The following IMMP2L variants were observed in gnomAD, a reference collection of about 807,000 sequenced individuals.
IMMP2L encodes the protein mitochondrial inner membrane protease subunit 2.
Under a neutral mutation model 19.3 loss-of-function variants are expected in IMMP2L, and 18 were observed. The observed-to-expected ratio is 0.93, with a 90% CI of 0.64 to 1.38. The LOEUF is 1.38. Among genes scored for constraint, IMMP2L ranks in the 40% most tolerant of loss-of-function variants. The pLI, the probability that IMMP2L is intolerant of heterozygous loss-of-function variation, is 0.00. For synonymous variants in IMMP2L, 76 were observed against 73.0 expected, an observed-to-expected ratio of 1.04 and a Z score of -0.21; for missense variants, 233 against 218.2, an observed-to-expected ratio of 1.07 and a Z score of -0.43.
chr7:111,291,399 T>C (rs1821090954), intron 3 of IMMP2L, among the ~76,000 whole-genome samples: 1 of 152,160 alleles, frequency 6.6e-6, no homozygotes, highest in African/African-American at 2.4e-5. Context: ...AGTCTCCTAA[T>C]TACAACATTA....
chr7:111,021,713 T>C (rs1378799764), intron 3 of IMMP2L, among the ~76,000 whole-genome samples: 1 of 152,122 alleles, frequency 6.6e-6, no homozygotes, highest in East Asian at 1.9e-4. Flanking sequence ...TGAAACACCA[T>C]CTCTACTAAA....
At chr7:110,854,531 T>G (rs987769859) in intron 5 of IMMP2L, among the ~76,000 whole-genome samples, 1 of 151,966 alleles carries the variant, frequency 6.6e-6, no homozygotes, top group Non-Finnish European at 1.5e-5. Context: ...GCTTGGAACA[T>G]GCACTTAAAA....
At chr7:111,068,700 G>C (rs773855802) in intron 3 of IMMP2L, among the ~76,000 whole-genome samples, 1 of 152,038 alleles carries the variant, frequency 6.6e-6, no homozygotes, top group African/African-American at 2.4e-5. Context: ...CAGTGATATC[G>C]TAAGCCAATT....
intron 3 of IMMP2L, among the ~76,000 whole-genome samples, chr7:111,350,183 G>C (rs1469294963): frequency 6.6e-6 from 1 of 151,800 alleles, no homozygotes; most frequent in Admixed American, 6.6e-5. Context: ...GGCCAGGCTG[G>C]TCTCGAAATC....
chr7:110,800,328 G>A (rs1801158607), intron 5 of IMMP2L, among the ~76,000 whole-genome samples: 1 of 151,908 alleles, frequency 6.6e-6, no homozygotes, highest in Admixed American at 6.6e-5. Flanking sequence ...CTCCCCTCCC[G>A]CCCAAAGCTG....
intron 3 of IMMP2L, among the ~76,000 whole-genome samples, chr7:111,454,640 A>C (rs1839527417): frequency 6.6e-6 from 1 of 152,070 alleles, no homozygotes; most frequent in African/African-American, 2.4e-5. Flanking sequence ...TTCATTATTA[A>C]GAATTATTGA....
At chr7:111,258,265 A>AC (rs1816942122) in intron 3 of IMMP2L, among the ~76,000 whole-genome samples, 1 of 152,016 alleles carries the variant, frequency 6.6e-6, no homozygotes, top group South Asian at 2.1e-4. Flanking sequence ...TTAACATGTC[A>AC]CCCCTCATGT....
rs188313107 is a variant in IMMP2L at position 111,184,272 on chromosome 7, T to C, written c.240-220707A>G. Among the ~76,000 whole-genome samples the C allele has an allele frequency of 7.6e-4, 115 of 152,058 alleles. 1 individual carries two copies. Among genetic ancestry groups the C allele is most frequent in the African/African-American group, 2.6e-3 (107 of 41,492 alleles). On this transcript the variant is annotated intron_variant, in intron 3 of 5. Transcript: ENST00000405709. ...AAATGAGTCAATAAGCAAATGTTAT[T>C]CTATATTCTTTAATCTTCACCTTAA... is the stretch of plus-strand genomic sequence containing the variant.
At chr7:111,320,641 C>A (rs1824587986) in intron 3 of IMMP2L, among the ~76,000 whole-genome samples, 1 of 152,004 alleles carries the variant, frequency 6.6e-6, no homozygotes, top group African/African-American at 2.4e-5. Context: ...CCCAACAATG[C>A]CAAACAATTT....
At chr7:111,233,220 T>A (rs1813909012) in intron 3 of IMMP2L, among the ~76,000 whole-genome samples, 1 of 152,140 alleles carries the variant, frequency 6.6e-6, no homozygotes, top group African/African-American at 2.4e-5. Flanking sequence ...TACAGCATGA[T>A]TAATAAATAC....
chr7:111,197,112 T>A (rs927359343), intron 3 of IMMP2L, among the ~76,000 whole-genome samples: 6 of 152,110 alleles, frequency 3.9e-5, no homozygotes, highest in African/African-American at 1.4e-4. Flanking sequence ...ACTGAAAAGG[T>A]TGAGGAAGTA....
At chr7:110,991,946 T>C (rs1822510357) in intron 3 of IMMP2L, among the ~76,000 whole-genome samples, 1 of 152,166 alleles carries the variant, frequency 6.6e-6, no homozygotes, top group African/African-American at 2.4e-5. Context: ...AAAAGGCTAC[T>C]CAATTTTGCC....
chr7:111,540,681 G>GTA (rs1848434134), intron 1 of IMMP2L, among the ~76,000 whole-genome samples: 1 of 152,060 alleles, frequency 6.6e-6, no homozygotes, highest in East Asian at 1.9e-4. Context: ...CCCCTAAAGG[G>GTA]TATACATAGG....
At chr7:111,199,198 G>GAATA (rs1179148416) in intron 3 of IMMP2L, among the ~76,000 whole-genome samples, 4 of 151,838 alleles carry the variant, frequency 2.6e-5, no homozygotes, top group Non-Finnish European at 5.9e-5. Context: ...CCTCATTTCC[G>GAATA]AATAAATAAA....
chr7:110,879,905 G>A (rs1225571020), intron 5 of IMMP2L, among the ~76,000 whole-genome samples: 1 of 152,078 alleles, frequency 6.6e-6, no homozygotes, highest in African/African-American at 2.4e-5. Context: ...AGGTACTGTA[G>A]GTTGATAATA....
At chr7:111,016,150 T>C (rs756041291) in intron 3 of IMMP2L, among the ~76,000 whole-genome samples, 1 of 151,914 alleles carries the variant, frequency 6.6e-6, no homozygotes, top group Non-Finnish European at 1.5e-5. Context: ...CCAGCTTGAG[T>C]AAGATGTTTT....
At chr7:110,767,583 T>C (rs1052835702) in intron 5 of IMMP2L, among the ~76,000 whole-genome samples, 2 of 152,212 alleles carry the variant, frequency 1.3e-5, no homozygotes, top group African/African-American at 4.8e-5. Context: ...GATACTTAGA[T>C]ATAATCTTGA....
chr7:110,934,934 T>C (rs533511179), intron 4 of IMMP2L, among the ~76,000 whole-genome samples: 1 of 152,298 alleles, frequency 6.6e-6, no homozygotes, highest in Non-Finnish European at 1.5e-5. Context: ...CACTGATAAG[T>C]CTTGACTCTT....
intron 4 of IMMP2L, among the ~76,000 whole-genome samples, chr7:110,915,230 C>T (rs1184167601): frequency 1.3e-5 from 2 of 151,290 alleles, no homozygotes; most frequent in Non-Finnish European, 2.9e-5. Context: ...AAATGTGATG[C>T]ACTCATGTGC....
Sources: allele counts gnomAD v4.1 joint callset (sites outside exome capture counted in the v4.1 genomes callset), GRCh38; gene constraint gnomAD v4.1.1; transcripts MANE v1.5; gene names NCBI Gene and HGNC (gene_info 2026-07-23, HGNC 2026-07-21).